The following RANBP17 variants were observed in gnomAD, a reference collection of about 807,000 sequenced individuals.
The protein encoded by RANBP17 is RAN binding protein 17.
A neutral mutation model predicts 141.2 loss-of-function variants in RANBP17; 158 were observed. The ratio of observed to expected loss-of-function variants is 1.12; its 90% confidence interval spans 0.98 to 1.28. The LOEUF is 1.28. Ranked by LOEUF, RANBP17 falls within the 50% of genes most tolerant of loss-of-function variation. RANBP17 has a pLI of 0.00. For missense variants in RANBP17, 1,438 were observed against 1,290.7 expected (o/e 1.11, Z -1.75); for synonymous variants, 430 against 450.0 (o/e 0.96, Z 0.56).
intron 14 of RANBP17, among the ~76,000 whole-genome samples, chr5:171,073,395 G>A (rs1784739507): frequency 6.6e-6 from 1 of 151,992 alleles, no homozygotes; most frequent in South Asian, 2.1e-4. Flanking sequence ...GTACAGATTA[G>A]CAGTCCTAAA....
chr5:171,298,329 C>G (rs1415169972), intron 27 of RANBP17, among the ~76,000 whole-genome samples: 2 of 152,130 alleles, frequency 1.3e-5, no homozygotes. Flanking sequence ...TCAGTTTTCT[C>G]TCTGTAAAAT....
intron 14 of RANBP17, among the ~76,000 whole-genome samples, chr5:170,989,886 CAATG>C (rs1432121387): frequency 4.6e-5 from 7 of 151,516 alleles, no homozygotes; most frequent in Non-Finnish European, 1.0e-4. Context: ...GTAAAACAAA[CAATG>C]AAAGCTAAAG....
chr5:170,911,124 T>C lies in RANBP17; in HGVS notation c.750T>C (p.Thr250=). 1 of 1,611,032 alleles carries C rather than the reference T, an allele frequency of 6.2e-7. No homozygotes were observed. The stretch of plus-strand genomic sequence containing the variant: ...TTTGCACGGTGCAGATTCCAACAAC[T>C]TGGAGAACAAGTAAGAAAAAACTTT... ...DDLCTVQIPT[T]WRTIFLEPET... The change falls in exon 7 of 28, where the codon ACT becomes ACC. Residue 250 remains threonine, a synonymous_variant. Coordinates refer to ENST00000523189, the MANE Select transcript of RANBP17 (RefSeq NM_022897.5).
chr5:170,932,703 G>C (rs1428122911), intron 12 of RANBP17, among the ~76,000 whole-genome samples: 8 of 152,008 alleles, frequency 5.3e-5, no homozygotes, highest in Non-Finnish European at 1.2e-4. Context: ...TTATATGCTG[G>C]ATTACATTTA....
chr5:170,980,625 G>C (rs1332622168), intron 14 of RANBP17, among the ~76,000 whole-genome samples: 1 of 152,224 alleles, frequency 6.6e-6, no homozygotes, highest in Non-Finnish European at 1.5e-5. Flanking sequence ...GTGGTGTTGA[G>C]CCTGCAAATG....
intron 14 of RANBP17, among the ~76,000 whole-genome samples, chr5:171,063,088 C>T (rs984918117): frequency 6.6e-5 from 10 of 152,116 alleles, no homozygotes; most frequent in Admixed American, 1.3e-4. Flanking sequence ...TTTTTAACTT[C>T]TTTGCCTTTG....
At chr5:171,119,878 A>G (rs994847436) in intron 14 of RANBP17, among the ~76,000 whole-genome samples, 7 of 152,024 alleles carry the variant, frequency 4.6e-5, no homozygotes, top group African/African-American at 1.7e-4. Context: ...CGTCTCTACT[A>G]AAAATACAAA....
intron 12 of RANBP17, among the ~76,000 whole-genome samples, chr5:170,925,893 C>T (rs577729094): frequency 6.6e-6 from 1 of 152,244 alleles, no homozygotes; most frequent in South Asian, 2.1e-4. Context: ...ATTTTCAGTA[C>T]CATGCACTGT....
chr5:171,158,818 C>T (rs1294246247), intron 14 of RANBP17, among the ~76,000 whole-genome samples: 1 of 152,104 alleles, frequency 6.6e-6, no homozygotes, highest in African/African-American at 2.4e-5. Context: ...GCTGTCATAC[C>T]ACACTTTCCA....
intron 1 of RANBP17, among the ~76,000 whole-genome samples, chr5:170,867,681 T>C (rs1035359318): frequency 6.6e-6 from 1 of 152,248 alleles, no homozygotes; most frequent in African/African-American, 2.4e-5. Flanking sequence ...TTGTGGCTTA[T>C]TAATGTTTTA....
chr5:170,904,465 A>G (rs3860760), intron 5 of RANBP17: 92,228 of 153,132 alleles, frequency 0.6, 29,509 homozygotes, highest in South Asian at 0.9. Context: ...AGCCGTGTAT[A>G]AAAGAAACCC....
chr5:171,224,023 A>AGAAGGCTAATTAAG (rs1192034493), intron 22 of RANBP17, among the ~76,000 whole-genome samples: 11 of 152,224 alleles, frequency 7.2e-5, no homozygotes, highest in Non-Finnish European at 1.5e-4. Context: ...TATTCTGGTA[A>AGAAGGCTAATTAAG]AAGGCCTGGC....
At chr5:171,042,843 G>T (rs2127637864) in intron 14 of RANBP17, among the ~76,000 whole-genome samples, 1 of 152,170 alleles carries the variant, frequency 6.6e-6, no homozygotes, top group South Asian at 2.1e-4. Context: ...TCTTAAATTT[G>T]TGCTTTGTAC....
chr5:171,277,637 G>GTGTGTGTGTATA (rs1437482589), intron 25 of RANBP17, among the ~76,000 whole-genome samples: 2 of 56,904 alleles, frequency 3.5e-5, no homozygotes, highest in African/African-American at 1.2e-4. Flanking sequence ...ATATATGTAT[G>GTGTGTGTGTATA]TATATATATA....
At chr5:171,129,717 A>G (rs1356767408) in intron 14 of RANBP17, among the ~76,000 whole-genome samples, 1 of 152,214 alleles carries the variant, frequency 6.6e-6, no homozygotes, top group Non-Finnish European at 1.5e-5. Flanking sequence ...TTTTCTCTTC[A>G]TGACAATCTA....
chr5:171,022,980 C>G (rs1398555643), intron 14 of RANBP17, among the ~76,000 whole-genome samples: 1 of 152,170 alleles, frequency 6.6e-6, no homozygotes, highest in Admixed American at 6.5e-5. Flanking sequence ...GTTTCCCTTG[C>G]TGGGTAGCAT....
At chr5:171,172,980 T>G (rs184191274) in intron 16 of RANBP17, among the ~76,000 whole-genome samples, 31 of 152,104 alleles carry the variant, frequency 2.0e-4, no homozygotes, top group African/African-American at 7.2e-4. Flanking sequence ...GCTATAATAT[T>G]TTAAGCCAGG....
chr5:170,869,134 G>A (rs1221482550), intron 1 of RANBP17, among the ~76,000 whole-genome samples: 1 of 152,060 alleles, frequency 6.6e-6, no homozygotes. Flanking sequence ...AAAAAAGAGT[G>A]ATTGGTAACA....
chr5:171,057,885 G>C (rs562872812), intron 14 of RANBP17, among the ~76,000 whole-genome samples: 9 of 152,162 alleles, frequency 5.9e-5, no homozygotes, highest in African/African-American at 2.2e-4. Flanking sequence ...ACCTACACCT[G>C]GTCTCGGCCT....
Sources: gnomAD v4.1 joint callset for allele counts (sites outside exome capture counted in the v4.1 genomes callset) on GRCh38, gnomAD v4.1.1 for gene constraint, MANE v1.5 for transcripts, NCBI Gene and HGNC (gene_info 2026-07-23, HGNC 2026-07-21) for gene names.